The following ADCY2 variants were observed in gnomAD, a reference collection of about 807,000 sequenced individuals.
ADCY2 encodes adenylate cyclase 2, also known as adenylate cyclase type 2.
ADCY2 carries 31 observed loss-of-function variants against 125.2 expected under a neutral mutation model. That is an observed-to-expected ratio of 0.25 (90% CI 0.19 to 0.33). ADCY2 has a LOEUF of 0.33. Ranked by LOEUF, ADCY2 falls within the 10% of genes least tolerant of loss-of-function variation. The pLI, the probability that ADCY2 is intolerant of heterozygous loss-of-function variation, is 1.00. For missense variants in ADCY2, 904 were observed against 1,418.2 expected (o/e 0.64, Z 5.82); for synonymous variants, 512 against 548.4 (o/e 0.93, Z 0.93).
At chr5:7,428,725 C>T (rs1740479099) in intron 2 of ADCY2, among the ~76,000 whole-genome samples, 1 of 152,150 alleles carries the variant, frequency 6.6e-6, no homozygotes, top group Admixed American at 6.5e-5. Flanking sequence ...TACCTCCCCA[C>T]CTTGAACAGC....
chr5:7,574,901 AT>A (rs572838236), intron 3 of ADCY2, among the ~76,000 whole-genome samples: 478 of 151,720 alleles, frequency 3.2e-3, no homozygotes, highest in African/African-American at 5.4e-3. Context: ...GATTAGACAC[AT>A]TTTTTTTTAC....
intron 3 of ADCY2, among the ~76,000 whole-genome samples, chr5:7,566,915 GT>G (rs1735911354): frequency 6.6e-6 from 1 of 152,192 alleles, no homozygotes; most frequent in Non-Finnish European, 1.5e-5. Flanking sequence ...GTTCATTATA[GT>G]TTATTTCAAG....
At chr5:7,766,313 A>T (rs1014334411) in intron 16 of ADCY2, among the ~76,000 whole-genome samples, 6 of 152,196 alleles carry the variant, frequency 3.9e-5, no homozygotes, top group African/African-American at 9.7e-5. Flanking sequence ...ACTGGGGGGA[A>T]AAAAGCATTC....
chr5:7,689,889 A>G (rs1173629802), intron 4 of ADCY2, among the ~76,000 whole-genome samples: 6 of 152,200 alleles, frequency 3.9e-5, no homozygotes, highest in Non-Finnish European at 8.8e-5. Flanking sequence ...TCCAGGATGG[A>G]TATATGTCCT....
At chr5:7,505,362 G>A (rs1743770183) in intron 2 of ADCY2, among the ~76,000 whole-genome samples, 1 of 152,166 alleles carries the variant, frequency 6.6e-6, no homozygotes, top group African/African-American at 2.4e-5. Context: ...CACGTCCCGT[G>A]CAAATCATGG....
chr5:7,826,750 C>A lies in ADCY2; in HGVS notation c.3155C>A (p.Thr1052Asn). Residue 1052 changes from threonine to asparagine, a missense_variant, in exon 25 of 25, where the codon ACC becomes AAC. Transcript: ENST00000338316. ...GAGGAGACGAGCCTCGTCCTGCAGACCCTCGGATACACGTGCACCTGTCGA... is the reference window on the plus strand; with the variant it reads ...GAGGAGACGAGCCTCGTCCTGCAGAACCTCGGATACACGTGCACCTGTCGA... ...VTEETSLVLQ[T>N]LGYTCTCRGI... 1 of 1,613,968 alleles carries A rather than the reference C, an allele frequency of 6.2e-7. No homozygotes were observed. The highest frequency in any genetic ancestry group is 8.5e-7 in the Non-Finnish European group (1 of 1,179,986).
chr5:7,531,554 T>C (rs1168789540), intron 3 of ADCY2, among the ~76,000 whole-genome samples: 1 of 151,978 alleles, frequency 6.6e-6, no homozygotes, highest in Non-Finnish European at 1.5e-5. Flanking sequence ...CAGGGGTGGT[T>C]CCCTCTGGAG....
At chr5:7,474,471 G>A (rs1386856535) in intron 2 of ADCY2, among the ~76,000 whole-genome samples, 2 of 152,210 alleles carry the variant, frequency 1.3e-5, no homozygotes, top group Non-Finnish European at 2.9e-5. Context: ...ATGCTCTTAA[G>A]GAGATGAAAT....
At chr5:7,483,239 A>G (rs1021426755) in intron 2 of ADCY2, among the ~76,000 whole-genome samples, 1 of 152,144 alleles carries the variant, frequency 6.6e-6, no homozygotes, top group Admixed American at 6.5e-5. Flanking sequence ...TTTGATTATT[A>G]TATATTATAT....
At chr5:7,585,683 C>A (rs1463198929) in intron 3 of ADCY2, among the ~76,000 whole-genome samples, 1 of 152,186 alleles carries the variant, frequency 6.6e-6, no homozygotes, top group African/African-American at 2.4e-5. Context: ...CTACCTACAA[C>A]CCAAAACACA....
chr5:7,600,043 C>T (rs1737150203), intron 3 of ADCY2, among the ~76,000 whole-genome samples: 3 of 152,182 alleles, frequency 2.0e-5, no homozygotes, highest in African/African-American at 7.2e-5. Context: ...TTGTTGAAAG[C>T]AGGTTCCTGT....
At chr5:7,816,130 T>A (rs2126536875) in intron 22 of ADCY2, among the ~76,000 whole-genome samples, 1 of 152,284 alleles carries the variant, frequency 6.6e-6, no homozygotes, top group Non-Finnish European at 1.5e-5. Flanking sequence ...CCAAATATGG[T>A]CATATCCTGA....
intron 3 of ADCY2, among the ~76,000 whole-genome samples, chr5:7,534,893 A>G (rs1216163133): frequency 6.6e-6 from 1 of 152,146 alleles, no homozygotes; most frequent in African/African-American, 2.4e-5. Context: ...GGTTATTATT[A>G]GTTTCTACAG....
intron 2 of ADCY2, among the ~76,000 whole-genome samples, chr5:7,459,750 C>G (rs1741841264): frequency 1.4e-5 from 2 of 138,650 alleles, no homozygotes; most frequent in South Asian, 2.3e-4. Flanking sequence ...AATAAATGAA[C>G]TATCTAGCAG....
intron 4 of ADCY2, among the ~76,000 whole-genome samples, chr5:7,631,401 G>A (rs569809840): frequency 3.3e-5 from 5 of 152,054 alleles, no homozygotes; most frequent in Non-Finnish European, 5.9e-5. Flanking sequence ...CATTTAAACC[G>A]AATAAAGAAA....
At chr5:7,447,944 G>A (rs985231457) in intron 2 of ADCY2, among the ~76,000 whole-genome samples, 3 of 152,184 alleles carry the variant, frequency 2.0e-5, no homozygotes, top group East Asian at 3.9e-4. Flanking sequence ...GCTTCCTACC[G>A]AAGGGAGGGG....
chr5:7,577,788 T>G (rs1736295817), intron 3 of ADCY2, among the ~76,000 whole-genome samples: 1 of 152,106 alleles, frequency 6.6e-6, no homozygotes, highest in African/African-American at 2.4e-5. Context: ...AAATTTTGAG[T>G]TTGTTACTTG....
intron 4 of ADCY2, among the ~76,000 whole-genome samples, chr5:7,640,357 A>G (rs1738656820): frequency 6.6e-6 from 1 of 152,338 alleles, no homozygotes; most frequent in African/African-American, 2.4e-5. Context: ...CTCAGAAGAC[A>G]TAACACTTTT....
intron 24 of ADCY2, among the ~76,000 whole-genome samples, chr5:7,822,431 C>T (rs1185658667): frequency 3.9e-5 from 6 of 152,196 alleles, no homozygotes; most frequent in African/African-American, 1.4e-4. Flanking sequence ...CAAAATGACA[C>T]GCCAGTGTAA....
Sources: allele counts gnomAD v4.1 joint callset (sites outside exome capture counted in the v4.1 genomes callset), GRCh38; gene constraint gnomAD v4.1.1; transcripts MANE v1.5; gene names NCBI Gene and HGNC (gene_info 2026-07-23, HGNC 2026-07-21).